Variants in ATP11B observed in about 807,000 individuals in gnomAD.
ATP11B encodes phospholipid-transporting ATPase IF.
ATP11B carries 81 observed loss-of-function variants against 157.8 expected under a neutral mutation model. That is an observed-to-expected ratio of 0.51 (90% confidence interval 0.43 to 0.62). The LOEUF (loss-of-function observed/expected upper bound fraction) is 0.62. Ranked by LOEUF, ATP11B falls within the 20% of genes least tolerant of loss-of-function variation. The pLI is 0.00. For missense variants in ATP11B, 1,165 were observed against 1,402.2 expected (o/e 0.83, Z 2.70); for synonymous variants, 451 against 469.4 (o/e 0.96, Z 0.51).
chr3:182,827,077 T>C (rs558503927), intron 2 of ATP11B, among the ~76,000 whole-genome samples: 54 of 152,312 alleles, frequency 3.5e-4, no homozygotes, highest in Non-Finnish European at 6.5e-4. Context: ...GAGTAGTATA[T>C]GTGCTAGAGA....
chr3:182,865,729 T>C, intron 13 of ATP11B, 31 bp downstream of exon 13: 1 of 1,550,660 alleles, frequency 6.4e-7, no homozygotes, highest in Non-Finnish European at 8.7e-7. Context: ...TAAATAAGGG[T>C]TTCATATGAA....
At chr3:182,852,349 T>C (rs1720044565) in intron 10 of ATP11B, among the ~76,000 whole-genome samples, 1 of 152,092 alleles carries the variant, frequency 6.6e-6, no homozygotes, top group African/African-American at 2.4e-5. Context: ...AGAAGTGGTA[T>C]AAGAGAAAAA....
At chr3:182,838,775 G>A (rs1718763317) in intron 7 of ATP11B, among the ~76,000 whole-genome samples, 1 of 148,636 alleles carries the variant, frequency 6.7e-6, no homozygotes, top group Non-Finnish European at 1.5e-5. Flanking sequence ...ACACATATAT[G>A]TGCTATATAT....
intron 10 of ATP11B, among the ~76,000 whole-genome samples, chr3:182,855,711 A>G (rs553184423): frequency 4.9e-4 from 75 of 152,294 alleles, no homozygotes; most frequent in Middle Eastern, 3.4e-3. Flanking sequence ...AATGAGCAAA[A>G]GGCATACTTC....
chr3:182,902,383 C>T (rs1164665344), intron 28 of ATP11B: 5 of 522,892 alleles, frequency 9.6e-6, no homozygotes, highest in African/African-American at 3.9e-5. Context: ...CGTGTAGGAA[C>T]AGATGTATTT....
chr3:182,895,246 T>C (rs1423495264), intron 25 of ATP11B, among the ~76,000 whole-genome samples: 3 of 151,912 alleles, frequency 2.0e-5, no homozygotes, highest in African/African-American at 7.3e-5. Flanking sequence ...CTAGAGATGA[T>C]AAAAGCAGAC....
intron 25 of ATP11B, among the ~76,000 whole-genome samples, chr3:182,895,860 G>A (rs996040322): frequency 6.6e-6 from 1 of 152,094 alleles, no homozygotes; most frequent in Non-Finnish European, 1.5e-5. Context: ...GGATGTCTTC[G>A]TGGTGTTCCT....
chr3:182,839,682 T>A (rs1007952777), intron 7 of ATP11B, among the ~76,000 whole-genome samples: 4 of 152,128 alleles, frequency 2.6e-5, no homozygotes, highest in African/African-American at 9.7e-5. Context: ...CGATCTTAGC[T>A]CACTGCAACC....
At chr3:182,890,914 C>G (rs896152692) in intron 25 of ATP11B, among the ~76,000 whole-genome samples, 3 of 152,134 alleles carry the variant, frequency 2.0e-5, no homozygotes, top group African/African-American at 7.2e-5. Flanking sequence ...AACCTACATG[C>G]CTTTAGGAGA....
chr3:182,819,463 C>T (rs1036298633), intron 1 of ATP11B, among the ~76,000 whole-genome samples: 1 of 152,138 alleles, frequency 6.6e-6, no homozygotes, highest in Non-Finnish European at 1.5e-5. Context: ...GAAATACAGT[C>T]CTCTAAGAAT....
At chr3:182,886,084 C>A in intron 23 of ATP11B, 74 bp downstream of exon 23, 1 of 998,550 alleles carries the variant, frequency 1.0e-6, no homozygotes, top group Non-Finnish European at 1.4e-6. Context: ...TTTTGATAGA[C>A]GTTTGAAGGG....
intron 2 of ATP11B, among the ~76,000 whole-genome samples, chr3:182,823,737 C>A (rs1052376528): frequency 2.0e-5 from 3 of 152,096 alleles, no homozygotes; most frequent in African/African-American, 7.2e-5. Context: ...TTGATTCTTC[C>A]TATCCATGGC....
intron 10 of ATP11B, among the ~76,000 whole-genome samples, chr3:182,852,605 C>T (rs1047383428): frequency 2.0e-5 from 3 of 152,194 alleles, no homozygotes; most frequent in African/African-American, 4.8e-5. Flanking sequence ...AATGTCTCCA[C>T]GCTAAAGATT....
At chr3:182,799,022 A>G (rs1461476054) in intron 1 of ATP11B, among the ~76,000 whole-genome samples, 2 of 152,254 alleles carry the variant, frequency 1.3e-5, no homozygotes, top group Non-Finnish European at 2.9e-5. Context: ...TGCCTGGCAT[A>G]GGCAGATTCA....
chr3:182,916,280 A>G (rs1373722109), intron 29 of ATP11B: 3 of 985,336 alleles, frequency 3.0e-6, no homozygotes, highest in Non-Finnish European at 2.4e-6. Context: ...AGGTGGGGCA[A>G]GTCTGAGACT....
chr3:182,797,737 A>T lies in ATP11B; in HGVS notation c.27+3951A>T, dbSNP rs368294327. On this transcript the variant is annotated intron_variant, in intron 1 of 29. Coordinates refer to ENST00000323116, the MANE Select transcript of ATP11B (RefSeq NM_014616.3). ...AAGAAAAAAGAAAAAAGAAAAAAGA[A>T]CTCTCATTTTTTTGTTAGTTACATG... Among the ~76,000 whole-genome samples the T allele has an allele frequency of 1.5e-3, 230 of 149,864 alleles. 2 individuals are homozygous for T. Among genetic ancestry groups the T allele is most frequent in the African/African-American group, 5.6e-3 (225 of 40,266 alleles).
intron 12 of ATP11B, among the ~76,000 whole-genome samples, chr3:182,860,064 CCAT>C (rs1382008174): frequency 1.3e-5 from 2 of 151,958 alleles, no homozygotes; most frequent in Non-Finnish European, 2.9e-5. Flanking sequence ...CTTCACTTTA[CCAT>C]CACCCTGGAA....
intron 1 of ATP11B, among the ~76,000 whole-genome samples, chr3:182,800,955 A>G (rs1449541223): frequency 1.7e-5 from 2 of 117,960 alleles, no homozygotes; most frequent in African/African-American, 6.6e-5. Context: ...ACGTCCCACC[A>G]TGCCCAACGG....
chr3:182,810,399 T>C (rs1716583518), intron 1 of ATP11B, among the ~76,000 whole-genome samples: 1 of 152,234 alleles, frequency 6.6e-6, no homozygotes, highest in Non-Finnish European at 1.5e-5. Context: ...ATCATTTCTC[T>C]GCTTAAAGTT....
Sources: allele counts gnomAD v4.1 joint callset (sites outside exome capture counted in the v4.1 genomes callset), GRCh38; gene constraint gnomAD v4.1.1; transcripts MANE v1.5; gene names NCBI Gene and HGNC (gene_info 2026-07-23, HGNC 2026-07-21).